GNA12: variants seen among roughly 807,000 people sequenced by gnomAD.
GNA12 encodes the protein guanine nucleotide-binding protein subunit alpha-12.
In GNA12, 9 loss-of-function variants were observed where a neutral mutation model predicts 26.0. The observed-to-expected ratio is 0.35, with a 90% CI of 0.21 to 0.60. GNA12 has a LOEUF of 0.60. GNA12 is among the 20% of genes least tolerant of loss of function. The pLI is 0.78. For synonymous variants in GNA12, 264 were observed against 219.6 expected (o/e 1.20, Z -1.79); for missense variants, 405 against 525.8 (o/e 0.77, Z 2.25).
intron 1 of GNA12, among the ~76,000 whole-genome samples, chr7:2,833,042 AC>A (rs1156378593): frequency 1.3e-5 from 2 of 152,270 alleles, no homozygotes; most frequent in East Asian, 1.9e-4. Context: ...AGAGAGAAAG[AC>A]TAACCCATCA....
chr7:2,731,248 C>T lies in GNA12; in HGVS notation c.1079G>A (p.Arg360His). ...FTTAIDTENV[R>H]FVFHAVKDTI... ...GTCTTTCACAGCATGGAACACGAAG[C>T]GGACGTTCTCGGTGTCGATGGCGGT... The change falls in exon 4 of 4, where the codon CGC becomes CAC. Residue 360 changes from arginine to histidine, a missense_variant. By Grantham distance (29) the Arg-to-His change is conservative. Transcript: ENST00000275364. The surrounding 1 kb of genome is among the most constrained non-coding windows in gnomAD (Gnocchi z 6.0). 6.2e-7 allele frequency: 1 copy of T among 1,613,740 alleles called. No homozygotes were observed. Among genetic ancestry groups the T allele is most frequent in the Non-Finnish European group, 8.5e-7 (1 of 1,179,914 alleles).
At chr7:2,778,751 C>T (rs147862365) in intron 2 of GNA12, among the ~76,000 whole-genome samples, 31 of 152,232 alleles carry the variant, frequency 2.0e-4, no homozygotes, top group African/African-American at 6.7e-4. Context: ...GTATTAATAC[C>T]GCCTTCCTTG....
chr7:2,810,589 C>T (rs968320511), intron 1 of GNA12, among the ~76,000 whole-genome samples: 12 of 152,262 alleles, frequency 7.9e-5, no homozygotes, highest in East Asian at 5.8e-4. Context: ...ATGGACCTCA[C>T]GGTCACTGGC....
chr7:2,796,646 T>C (rs1397762861), intron 1 of GNA12, among the ~76,000 whole-genome samples: 1 of 152,216 alleles, frequency 6.6e-6, no homozygotes, highest in Non-Finnish European at 1.5e-5. Context: ...GGGGATCATG[T>C]TCTAGATTTA....
intron 1 of GNA12, among the ~76,000 whole-genome samples, chr7:2,833,306 T>A (rs1232477805): frequency 1.3e-5 from 2 of 152,082 alleles, no homozygotes; most frequent in African/African-American, 4.8e-5. Flanking sequence ...TATAATTACA[T>A]CTCTAGATAA....
intron 2 of GNA12, among the ~76,000 whole-genome samples, chr7:2,770,580 G>A (rs1464333103): frequency 6.6e-6 from 1 of 152,082 alleles, no homozygotes; most frequent in Non-Finnish European, 1.5e-5. Context: ...TACGATAAGC[G>A]TGCCTGTGAA....
intron 1 of GNA12, among the ~76,000 whole-genome samples, chr7:2,816,240 C>CTTTCTTTTT (rs1793215541): frequency 6.7e-6 from 1 of 148,434 alleles, no homozygotes; most frequent in African/African-American, 2.5e-5. Context: ...TCACCAAATC[C>CTTTCTTTTT]TTTTTTTTTG....
intron 2 of GNA12, chr7:2,762,591 C>A: frequency 2.0e-6 from 3 of 1,504,312 alleles, no homozygotes; most frequent in Non-Finnish European, 2.7e-6. Context: ...CATTTACAAA[C>A]CCAAAAAAGG....
At chr7:2,740,810 C>T (rs573380417) in intron 2 of GNA12, among the ~76,000 whole-genome samples, 9 of 152,240 alleles carry the variant, frequency 5.9e-5, no homozygotes, top group African/African-American at 9.6e-5. Flanking sequence ...TTTGGGAGGC[C>T]GAGGCGGACG....
intron 2 of GNA12, among the ~76,000 whole-genome samples, chr7:2,792,691 G>C (rs1013853316): frequency 6.6e-6 from 1 of 152,204 alleles, no homozygotes; most frequent in East Asian, 1.9e-4. Context: ...CTCTTTAGGA[G>C]ATTAAAATTT....
chr7:2,757,430 G>A (rs1791357706), intron 2 of GNA12, among the ~76,000 whole-genome samples: 1 of 152,204 alleles, frequency 6.6e-6, no homozygotes, highest in African/African-American at 2.4e-5. Flanking sequence ...GCAAGGAAGT[G>A]AGGGCACCCC....
chr7:2,756,311 T>G (rs1791291835), intron 2 of GNA12, among the ~76,000 whole-genome samples: 1 of 152,204 alleles, frequency 6.6e-6, no homozygotes, highest in Admixed American at 6.5e-5. Context: ...ATTCTAACTA[T>G]GTCCTATATA....
intron 1 of GNA12, among the ~76,000 whole-genome samples, chr7:2,805,419 G>C (rs569595889): frequency 4.9e-4 from 74 of 151,642 alleles, no homozygotes; most frequent in African/African-American, 1.7e-3. Context: ...CTTTTTTTTT[G>C]TAGAGACAGG....
At chr7:2,836,572 C>G (rs1354344425) in intron 1 of GNA12, among the ~76,000 whole-genome samples, 1 of 152,050 alleles carries the variant, frequency 6.6e-6, no homozygotes, top group Admixed American at 6.6e-5. Flanking sequence ...GCCAAAGGAC[C>G]CAGAAAAGGA....
intron 1 of GNA12, among the ~76,000 whole-genome samples, chr7:2,804,268 A>G (rs773993969): frequency 1.2e-4 from 18 of 152,274 alleles, no homozygotes; most frequent in Admixed American, 1.1e-3. Context: ...TTAAAAAGGA[A>G]AAGAATATAC....
At chr7:2,815,475 T>G (rs569936077) in intron 1 of GNA12, among the ~76,000 whole-genome samples, 54 of 152,260 alleles carry the variant, frequency 3.5e-4, no homozygotes, top group African/African-American at 1.3e-3. Flanking sequence ...AGGGCTATAT[T>G]GGCGGCCCAG....
chr7:2,774,582 A>T (rs896892394), intron 2 of GNA12, among the ~76,000 whole-genome samples: 1 of 152,144 alleles, frequency 6.6e-6, no homozygotes, highest in African/African-American at 2.4e-5. Context: ...GCCGAGGCAA[A>T]GGGGGGGTCC....
chr7:2,739,755 CCT>C (rs1452947786), intron 2 of GNA12, among the ~76,000 whole-genome samples: 1 of 152,106 alleles, frequency 6.6e-6, no homozygotes, highest in Non-Finnish European at 1.5e-5. Flanking sequence ...CTCACCGCAA[CCT>C]CTGCCTCCTG....
intron 1 of GNA12, among the ~76,000 whole-genome samples, chr7:2,795,411 G>A (rs1792635681): frequency 6.6e-6 from 1 of 152,146 alleles, no homozygotes; most frequent in Admixed American, 6.5e-5. Flanking sequence ...AGGGAGGACT[G>A]CTGGAACACA....
Sources: gnomAD v4.1 joint callset for allele counts (sites outside exome capture counted in the v4.1 genomes callset) on GRCh38, gnomAD v4.1.1 for gene constraint, Gnocchi (gnomAD v3.1) non-coding constraint, MANE v1.5 for transcripts, NCBI Gene and HGNC (gene_info 2026-07-23, HGNC 2026-07-21) for gene names.